LDHAL6A: variants seen among roughly 807,000 people sequenced by gnomAD.
The protein encoded by LDHAL6A is L-lactate dehydrogenase A-like 6A.
A neutral mutation model predicts 28.2 loss-of-function variants in LDHAL6A; 19 were observed. That is an observed-to-expected ratio of 0.67 (90% CI 0.47 to 0.99). The LOEUF is 0.99. Among genes scored for constraint, LDHAL6A ranks in the 50% least tolerant of loss-of-function variants. The pLI is 0.00. For missense variants in LDHAL6A, 372 were observed against 398.6 expected (o/e 0.93, Z 0.57); for synonymous variants, 144 against 134.4 (o/e 1.07, Z -0.49).
At chr11:18,464,984 TTTG>T (rs773242653) in intron 2 of LDHAL6A, among the ~76,000 whole-genome samples, 1 of 128,796 alleles carries the variant, frequency 7.8e-6, no homozygotes. Flanking sequence ...TTTGTTTTTT[TTTG>T]TTTTGTTTTG....
chr11:18,460,462 A>G (rs968302091), intron 1 of LDHAL6A, among the ~76,000 whole-genome samples: 30 of 151,750 alleles, frequency 2.0e-4, no homozygotes, highest in Admixed American at 1.3e-3. Flanking sequence ...GCACGGTGGC[A>G]TGCATCTGTA....
At chr11:18,459,751 A>G (rs1848849483) in intron 1 of LDHAL6A, among the ~76,000 whole-genome samples, 1 of 152,184 alleles carries the variant, frequency 6.6e-6, no homozygotes, top group South Asian at 2.1e-4. Flanking sequence ...ATCCAGGATG[A>G]TACCACATGA....
At position 18,470,513 on chromosome 11, in the gene LDHAL6A, A is replaced by G. The variant is rs1849231712; in HGVS notation, c.418+4703A>G. Among the ~76,000 whole-genome samples, 4 of 152,216 alleles carry G rather than the reference A, an allele frequency of 2.6e-5. No individual in the cohort carries two copies. In the South Asian group the frequency reaches 8.3e-4, roughly 31 times the overall value. ...ATCATTTAAATGAATCACCAGAGAC[A>G]CTTTTAGAAGTTCTTAAGTTCCTTT... On this transcript the variant is annotated intron_variant, in intron 3 of 6. Transcript: ENST00000280706.
intron 1 of LDHAL6A, among the ~76,000 whole-genome samples, chr11:18,457,619 C>T (rs1373655991): frequency 6.6e-6 from 1 of 152,136 alleles, no homozygotes; most frequent in Non-Finnish European, 1.5e-5. Flanking sequence ...CCCCATGATT[C>T]ATTTTGTCCT....
Position 18,462,510 on chromosome 11 carries a change from G to C in LDHAL6A, c.127-1451G>C, listed in dbSNP as rs112440422. On this transcript the variant is annotated intron_variant, in intron 1 of 6. Transcript: ENST00000280706. ...AAATTAGCCAGGTGTGGTGGCGGGCGCCTGTAGTCCCAGCTACTCGGGAGG... is the reference window on the plus strand; with the variant it reads ...AAATTAGCCAGGTGTGGTGGCGGGCCCCTGTAGTCCCAGCTACTCGGGAGG... 4.6e-5 allele frequency among the ~76,000 whole-genome samples: 7 copies of C among 151,916 alleles called. No individual in the cohort carries two copies. In the East Asian group the frequency reaches 1.4e-3, roughly 29 times the overall value.
intron 3 of LDHAL6A, chr11:18,468,639 T>G (rs1849183473): frequency 6.6e-6 from 1 of 152,096 alleles, no homozygotes; most frequent in Admixed American, 6.6e-5. Context: ...TGCACCCGGC[T>G]TGGATGTATA....
At chr11:18,473,511 G>A (rs1179198743) in intron 3 of LDHAL6A, among the ~76,000 whole-genome samples, 2 of 152,148 alleles carry the variant, frequency 1.3e-5, no homozygotes, top group Non-Finnish European at 2.9e-5. Flanking sequence ...AAGTGATCCT[G>A]TCTCAGCCTC....
chr11:18,460,839 C>CT (rs1462277355), intron 1 of LDHAL6A, among the ~76,000 whole-genome samples: 3 of 151,960 alleles, frequency 2.0e-5, no homozygotes, highest in Admixed American at 2.0e-4. Context: ...TATTTCTTTC[C>CT]TTTTCTTTTT....
intron 3 of LDHAL6A, among the ~76,000 whole-genome samples, chr11:18,473,414 CAGAT>C (rs796584266): frequency 2.9e-4 from 43 of 150,346 alleles, no homozygotes; most frequent in East Asian, 2.8e-3. Context: ...GACAGACAGA[CAGAT>C]AGATACAGGC....
intron 2 of LDHAL6A, among the ~76,000 whole-genome samples, chr11:18,464,968 G>GTTTTTTTTTTTTTTT (rs1565068644): frequency 7.9e-4 from 3 of 3,796 alleles, no homozygotes; most frequent in Admixed American, 6.0e-3. Flanking sequence ...GAGGTGAGGT[G>GTTTTTTTTTTTTTTT]TTTTTTTTGT....
chr11:18,458,987 G>C (rs188059441), intron 1 of LDHAL6A, among the ~76,000 whole-genome samples: 26 of 152,290 alleles, frequency 1.7e-4, no homozygotes, highest in Non-Finnish European at 2.9e-5. Flanking sequence ...TATTTTTATA[G>C]ACTTTATTTT....
intron 1 of LDHAL6A, among the ~76,000 whole-genome samples, chr11:18,463,760 C>T (rs1848982006): frequency 6.6e-6 from 1 of 152,198 alleles, no homozygotes; most frequent in South Asian, 2.1e-4. Context: ...TCATGATGAG[C>T]TGAAATGCTC....
chr11:18,476,350 G>C (rs1849382133), intron 4 of LDHAL6A, 34 bp from the exon 5 acceptor site: 1 of 1,602,984 alleles, frequency 6.2e-7, no homozygotes, highest in Non-Finnish European at 8.5e-7. Context: ...CTAATACCAT[G>C]TAAGAAGTGG....
chr11:18,477,796 A>C, intron 6 of LDHAL6A, 53 bp downstream of exon 6: 4 of 1,534,826 alleles, frequency 2.6e-6, no homozygotes, highest in Non-Finnish European at 3.5e-6. Flanking sequence ...TAGGGGGGTA[A>C]AGAACATTTT....
At chr11:18,462,464 C>A (rs1339064087) in intron 1 of LDHAL6A, among the ~76,000 whole-genome samples, 1 of 151,636 alleles carries the variant, frequency 6.6e-6, no homozygotes, top group African/African-American at 2.4e-5. Flanking sequence ...GGTGAAACCC[C>A]GTCTCTACTA....
In LDHAL6A at chr11:18,467,966, TACGTATATATATACGTATATATATGC is replaced by T. The variant is rs1565071355; in HGVS notation, c.418+2158_418+2183del. On this transcript the variant is annotated intron_variant, in intron 3 of 6. Coordinates refer to ENST00000280706, the MANE Select transcript of LDHAL6A (RefSeq NM_144972.5). ...ACACATATATATATACGTATATATATACGTATATATATACGTATATATATGCATATATATACGTATATATATACATA... is the reference window on the plus strand; with the variant it reads ...ACACATATATATATACGTATATATATATATATATACGTATATATATACATA... 2.4e-3 allele frequency among the ~76,000 whole-genome samples: 37 copies of T among 15,288 alleles called. 4 individuals carry two copies. Among genetic ancestry groups the T allele is most frequent in the Admixed American group, 6.2e-3 (5 of 802 alleles). 10.0% of individuals were successfully genotyped at this position (15,288 alleles called of 152,430 possible). A position where few individuals can be genotyped will look rare whatever the true frequency, so the allele number is the denominator to read the frequency against.
chr11:18,473,888 A>G (rs1849304696), intron 3 of LDHAL6A, among the ~76,000 whole-genome samples: 1 of 152,204 alleles, frequency 6.6e-6, no homozygotes. Context: ...TTTTTAAGAT[A>G]AAAAGCAGTT....
At position 18,456,566 on chromosome 11, in the gene LDHAL6A, G is replaced by A. The variant is rs896787283; in HGVS notation, c.-115G>A. On this transcript the variant is annotated 5_prime_UTR_variant, in exon 1 of 7. Coordinates refer to ENST00000280706, the MANE Select transcript of LDHAL6A (RefSeq NM_144972.5). ...GTGTCTGCAGCACCTCCTTCCACAC[G>A]GGCCCAGGAGTTCTCTATACGCGCT... is the stretch of plus-strand genomic sequence containing the variant. 13 of 721,384 alleles carry A rather than the reference G, an allele frequency of 1.8e-5. No individual in the cohort carries two copies. The highest frequency in any genetic ancestry group is 1.1e-4 in the Admixed American group (3 of 26,324). 44.7% of individuals were successfully genotyped at this position (721,384 alleles called of 1,614,324 possible). A position where few individuals can be genotyped will look rare whatever the true frequency, so the allele number is the denominator to read the frequency against.
At position 18,467,906 on chromosome 11, in the gene LDHAL6A, TATATATATATATACAC is replaced by T. The variant is rs1849121631; in HGVS notation, c.418+2098_418+2113del. 4.2e-5 allele frequency among the ~76,000 whole-genome samples: 3 copies of T among 71,426 alleles called. 1 individual carries two copies. Among genetic ancestry groups the T allele is most frequent in the African/African-American group, 1.3e-4 (2 of 14,994 alleles). 46.9% of individuals were successfully genotyped at this position (71,426 alleles called of 152,430 possible). A position where few individuals can be genotyped will look rare whatever the true frequency, so the allele number is the denominator to read the frequency against. On this transcript the variant is annotated intron_variant, in intron 3 of 6. Transcript: ENST00000280706. ...ATATATATATATATATATATATATA[TATATATATATATACAC>T]ACACATATATATATACACACACATA...
Sources: allele counts gnomAD v4.1 joint callset (sites outside exome capture counted in the v4.1 genomes callset), GRCh38; gene constraint gnomAD v4.1.1; transcripts MANE v1.5; gene names NCBI Gene and HGNC (gene_info 2026-07-23, HGNC 2026-07-21).